Variants in BBS9 observed in about 807,000 individuals in gnomAD.
BBS9 encodes the protein Bardet-Biedl syndrome 9.
BBS9 carries 89 observed loss-of-function variants against 117.7 expected under a neutral mutation model. The ratio of observed to expected loss-of-function variants is 0.76; its 90% CI spans 0.64 to 0.90. BBS9 has a LOEUF of 0.90. Ranked by LOEUF, BBS9 falls within the 40% of genes least tolerant of loss-of-function variation. The pLI is 0.00. For missense variants in BBS9, 982 were observed against 1,042.2 expected (o/e 0.94, Z 0.80); for synonymous variants, 379 against 370.9 (o/e 1.02, Z -0.25).
intron 5 of BBS9, among the ~76,000 whole-genome samples, chr7:33,214,463 TA>T (rs1261350948): frequency 6.6e-6 from 1 of 152,216 alleles, no homozygotes; most frequent in African/African-American, 2.4e-5. Context: ...TAAAACTAGT[TA>T]AACTTCAGTG....
Position 33,386,666 on chromosome 7 carries a change from AT to A in BBS9, c.1963-1317del, listed in dbSNP as rs900108523. ...CCACCACGCCCAGCTAATTTTTTGTATTTTTTTTTAGTAGAGACGGGGTTTC... is the reference window on the plus strand; with the variant it reads ...CCACCACGCCCAGCTAATTTTTTGTATTTTTTTTAGTAGAGACGGGGTTTC... On this transcript the variant is annotated intron_variant, in intron 18 of 22. Coordinates refer to ENST00000242067, the MANE Select transcript of BBS9 (RefSeq NM_198428.3). Among the ~76,000 whole-genome samples, 770 of 148,872 alleles carry A rather than the reference AT, an allele frequency of 5.2e-3. 5 individuals carry two copies. The highest frequency in any genetic ancestry group is 0.017 in the African/African-American group (708 of 40,604).
At chr7:33,245,951 A>G (rs1795267255) in intron 5 of BBS9, among the ~76,000 whole-genome samples, 1 of 152,098 alleles carries the variant, frequency 6.6e-6, no homozygotes. Context: ...TCTTTTGGAT[A>G]TCTTGTTTAT....
intron 19 of BBS9, among the ~76,000 whole-genome samples, chr7:33,450,915 G>A (rs904943600): frequency 2.7e-5 from 4 of 150,298 alleles, no homozygotes; most frequent in Admixed American, 2.7e-4. Context: ...GTGAGATGGA[G>A]TCTTGCTCTG....
intron 5 of BBS9, among the ~76,000 whole-genome samples, chr7:33,224,024 G>A (rs752983153): frequency 2.0e-5 from 3 of 152,120 alleles, no homozygotes; most frequent in Non-Finnish European, 4.4e-5. Flanking sequence ...GGGTCTCAGT[G>A]TGTTTAAATG....
intron 19 of BBS9, among the ~76,000 whole-genome samples, chr7:33,445,138 C>T (rs1049501664): frequency 6.6e-6 from 1 of 152,126 alleles, no homozygotes; most frequent in South Asian, 2.1e-4. Flanking sequence ...TTTGATGGAA[C>T]CGGTCTCTCT....
At chr7:33,211,787 A>G (rs76786267) in intron 5 of BBS9, among the ~76,000 whole-genome samples, 1,674 of 152,252 alleles carry the variant, frequency 0.011, 37 homozygotes, top group African/African-American at 0.039. Flanking sequence ...GGTGTTGAGG[A>G]AATCTCTCAT....
chr7:33,567,502 C>T (rs1857099224), intron 21 of BBS9, among the ~76,000 whole-genome samples: 1 of 152,170 alleles, frequency 6.6e-6, no homozygotes, highest in Admixed American at 6.5e-5. Flanking sequence ...GTCTCATCTC[C>T]TTGGCTGCTC....
chr7:33,291,695 T>G, intron 9 of BBS9, among the ~76,000 whole-genome samples: 1 of 152,210 alleles, frequency 6.6e-6, no homozygotes. Context: ...ACAGAAAATT[T>G]CATTAACCCA....
chr7:33,596,161 A>G (rs919697118), intron 21 of BBS9, among the ~76,000 whole-genome samples: 3 of 151,446 alleles, frequency 2.0e-5, no homozygotes, highest in African/African-American at 7.3e-5. Flanking sequence ...CATATTCTGC[A>G]CTTGTATCCT....
chr7:33,544,011 T>C (rs1375275474), intron 21 of BBS9, among the ~76,000 whole-genome samples: 1 of 152,192 alleles, frequency 6.6e-6, no homozygotes, highest in Non-Finnish European at 1.5e-5. Flanking sequence ...CCAGAGCATT[T>C]TGCATTTCTG....
At chr7:33,350,040 C>T (rs77769199) in intron 13 of BBS9, among the ~76,000 whole-genome samples, 37 of 152,302 alleles carry the variant, frequency 2.4e-4, no homozygotes, top group African/African-American at 7.5e-4. Flanking sequence ...GTAGACATGT[C>T]ATTAATGGCA....
intron 5 of BBS9, among the ~76,000 whole-genome samples, chr7:33,212,626 TG>T (rs2128226868): frequency 6.6e-6 from 1 of 152,268 alleles, no homozygotes; most frequent in African/African-American, 2.4e-5. Context: ...TGTCAGTGTC[TG>T]GGCATTGAAG....
intron 21 of BBS9, among the ~76,000 whole-genome samples, chr7:33,569,882 G>T (rs975444525): frequency 6.6e-6 from 1 of 152,126 alleles, no homozygotes; most frequent in Non-Finnish European, 1.5e-5. Context: ...GAACAAAGAG[G>T]GCCTGGGAGC....
intron 19 of BBS9, among the ~76,000 whole-genome samples, chr7:33,407,454 C>T (rs1421345886): frequency 6.6e-6 from 1 of 152,216 alleles, no homozygotes; most frequent in Non-Finnish European, 1.5e-5. Flanking sequence ...ATTCTCCATC[C>T]AGCTTTGTTC....
chr7:33,314,711 T>C (rs1810103953), intron 9 of BBS9: 1 of 152,338 alleles, frequency 6.6e-6, no homozygotes, highest in African/African-American at 2.4e-5. Flanking sequence ...CTGTCTGGCA[T>C]TGACATACAC....
At chr7:33,162,167 T>TA (rs1794962770) in intron 4 of BBS9, among the ~76,000 whole-genome samples, 3 of 152,166 alleles carry the variant, frequency 2.0e-5, no homozygotes, top group Admixed American at 2.0e-4. Flanking sequence ...TCTTCTAGGG[T>TA]TTTTATGGTT....
intron 21 of BBS9, among the ~76,000 whole-genome samples, chr7:33,549,065 G>C (rs930965148): frequency 1.3e-5 from 2 of 150,288 alleles, no homozygotes; most frequent in African/African-American, 5.0e-5. Context: ...CATGGTACTG[G>C]TACCAAAACA....
intron 7 of BBS9, among the ~76,000 whole-genome samples, chr7:33,265,767 T>TG (rs1334498202): frequency 6.6e-6 from 1 of 152,028 alleles, no homozygotes; most frequent in African/African-American, 2.4e-5. Context: ...CGCTTGAACC[T>TG]GGGGGGCAGA....
chr7:33,503,626 A>C (rs1845755302), intron 19 of BBS9, among the ~76,000 whole-genome samples: 1 of 152,326 alleles, frequency 6.6e-6, no homozygotes, highest in East Asian at 1.9e-4. Context: ...TCTTGCACAT[A>C]TCTGGCATTC....
Sources: allele counts gnomAD v4.1 joint callset (sites outside exome capture counted in the v4.1 genomes callset), GRCh38; gene constraint gnomAD v4.1.1; transcripts MANE v1.5; gene names NCBI Gene and HGNC (gene_info 2026-07-23, HGNC 2026-07-21).